Variants in USP24 observed in about 807,000 individuals in gnomAD.
USP24 encodes ubiquitin carboxyl-terminal hydrolase 24.
In USP24, 97 loss-of-function variants were observed where a neutral mutation model predicts 361.6. The observed-to-expected ratio is 0.27, with a 90% CI of 0.23 to 0.32. The LOEUF (loss-of-function observed/expected upper bound fraction) is 0.32, where lower values mean the gene tolerates loss of function less well. Ranked by LOEUF, USP24 falls within the 10% of genes least tolerant of loss-of-function variation. USP24 has a pLI of 1.00. For missense variants in USP24, 2,353 were observed against 3,165.6 expected (o/e 0.74, Z 6.16); for synonymous variants, 1,098 against 1,124.6 (o/e 0.98, Z 0.47).
chr1:55,205,088 C>T (rs1168789408), intron 1 of USP24, among the ~76,000 whole-genome samples: 1 of 152,148 alleles, frequency 6.6e-6, no homozygotes, highest in Non-Finnish European at 1.5e-5. Flanking sequence ...ATGAGTAATA[C>T]TGCTACAGGT....
At chr1:55,165,837 C>T in intron 7 of USP24, 48 bp downstream of exon 7, 1 of 1,498,334 alleles carries the variant, frequency 6.7e-7, no homozygotes, top group South Asian at 1.3e-5. Context: ...TACACCAACT[C>T]AAGTGAAATG....
chr1:55,141,498 G>T, intron 24 of USP24, 118 bp downstream of exon 24: 1 of 915,600 alleles, frequency 1.1e-6, no homozygotes, highest in Non-Finnish European at 1.7e-6. Context: ...ATGACAGCTT[G>T]CAAAAATTAT....
At chr1:55,179,558 C>G (rs376977338) in intron 1 of USP24, among the ~76,000 whole-genome samples, 1 of 152,210 alleles carries the variant, frequency 6.6e-6, no homozygotes. Context: ...ATCCTTCCCC[C>G]GTAAATCCTG....
In USP24 at chr1:55,176,417, T is replaced by G. The variant is rs758064561; in HGVS notation, c.517A>C (p.Arg173=). The G allele has an allele frequency of 1.9e-6, 3 of 1,572,562 alleles. No individual in the cohort carries two copies. The part of the protein sequence containing the change: ...LGLSESDENC[R]RFMDRCMPEA... ...GGCATACACCTGTCCATAAACCTTCTACAATTCTCATCAGACTCGGAAAGA... is the reference window on the plus strand; with the variant it reads ...GGCATACACCTGTCCATAAACCTTCGACAATTCTCATCAGACTCGGAAAGA... Residue 173 remains arginine (R), a synonymous_variant, in exon 3 of 68, where the codon AGA becomes CGA. Transcript: ENST00000294383.
At chr1:55,081,542 A>G in intron 58 of USP24, 118 bp from the exon 59 acceptor site, 1 of 956,580 alleles carries the variant, frequency 1.0e-6, no homozygotes, top group Non-Finnish European at 1.6e-6. Flanking sequence ...TCAGTGCTTG[A>G]CAGAAGAGGT....
intron 50 of USP24, among the ~76,000 whole-genome samples, chr1:55,095,624 G>A (rs1221580211): frequency 6.6e-6 from 1 of 152,138 alleles, no homozygotes; most frequent in Non-Finnish European, 1.5e-5. Context: ...TGATATAGGT[G>A]GGGACAAGGA....
chr1:55,089,188 G>C (rs917975281), intron 55 of USP24, among the ~76,000 whole-genome samples: 6 of 152,250 alleles, frequency 3.9e-5, no homozygotes, highest in Admixed American at 2.0e-4. Flanking sequence ...TTACAGGTGC[G>C]AGCCACTGCA....
intron 39 of USP24, 110 bp downstream of exon 39, chr1:55,110,075 G>T (rs1021853975): frequency 3.4e-6 from 3 of 881,074 alleles, no homozygotes; most frequent in African/African-American, 3.5e-5. Flanking sequence ...TCAAACAATT[G>T]TAATTGTATT....
chr1:55,147,611 T>C (rs762172807), intron 18 of USP24, 38 bp downstream of exon 18: 10 of 1,543,274 alleles, frequency 6.5e-6, no homozygotes, highest in Non-Finnish European at 8.7e-6. Context: ...GTCAAATTAA[T>C]GTTGTAAATC....
intron 1 of USP24, among the ~76,000 whole-genome samples, chr1:55,199,158 G>A (rs146553193): frequency 7.2e-5 from 11 of 152,078 alleles, no homozygotes; most frequent in East Asian, 1.9e-4. Context: ...GCATGGTGGC[G>A]GGCACCTGTA....
chr1:55,141,740 T>C lies in USP24; in HGVS notation c.2635-9A>G, dbSNP rs1335587906. 8.8e-6 allele frequency: 14 copies of C among 1,590,924 alleles called. No homozygotes were observed. The East Asian group carries it at 3.2e-4, about 36-fold the overall frequency. On this transcript the variant is annotated splice_polypyrimidine_tract_variant and intron_variant, in intron 23 of 67. Coordinates refer to ENST00000294383, the MANE Select transcript of USP24 (RefSeq NM_015306.3). ...AGTGCTGAACTGGCTGCCTAAAAAA[T>C]ACCAAACAGTCATTCTCTATCAGGG...
intron 3 of USP24, among the ~76,000 whole-genome samples, chr1:55,174,829 C>T (rs1015080350): frequency 2.6e-5 from 4 of 152,234 alleles, no homozygotes; most frequent in Non-Finnish European, 4.4e-5. Flanking sequence ...AGGGGTCTCA[C>T]ATGTTGCCCA....
chr1:55,119,388 T>C (rs969987484), intron 38 of USP24, among the ~76,000 whole-genome samples: 1 of 151,894 alleles, frequency 6.6e-6, no homozygotes, highest in East Asian at 1.9e-4. Context: ...AGACAGAAAG[T>C]AGAATGGTGG....
At chr1:55,109,178 T>C (rs1230071813) in intron 39 of USP24, among the ~76,000 whole-genome samples, 1 of 152,164 alleles carries the variant, frequency 6.6e-6, no homozygotes, top group Non-Finnish European at 1.5e-5. Context: ...GGTTTCACCA[T>C]GTCGGCCAGG....
intron 67 of USP24, among the ~76,000 whole-genome samples, chr1:55,069,374 C>T (rs908112134): frequency 6.6e-6 from 1 of 152,258 alleles, no homozygotes; most frequent in African/African-American, 2.4e-5. Flanking sequence ...CATGTGAGAA[C>T]GCAGAGCAGT....
At chr1:55,081,557 G>A in intron 58 of USP24, 133 bp from the exon 59 acceptor site, 2 of 839,032 alleles carry the variant, frequency 2.4e-6, no homozygotes, top group Admixed American at 2.3e-5. Flanking sequence ...AGAGGTCAAG[G>A]TACAAAAAAA....
intron 25 of USP24, 66 bp from the exon 26 acceptor site, chr1:55,138,784 CT>C: frequency 1.5e-6 from 2 of 1,306,866 alleles, no homozygotes; most frequent in Non-Finnish European, 2.2e-6. Flanking sequence ...AAATACATAT[CT>C]ATGTATATAT....
At chr1:55,077,188 A>C (rs1645046624) in intron 62 of USP24, 47 bp downstream of exon 62, 2 of 1,397,668 alleles carry the variant, frequency 1.4e-6, no homozygotes, top group Admixed American at 2.5e-5. Flanking sequence ...ACACTTGTTG[A>C]CTAATACATT....
chr1:55,071,965 A>G (rs1161900789), intron 66 of USP24, 41 bp from the exon 67 acceptor site: 4 of 1,542,672 alleles, frequency 2.6e-6, no homozygotes, highest in Admixed American at 1.9e-5. Context: ...GTTAGGGCCC[A>G]TTCAGTGGCA....
Sources: allele counts gnomAD v4.1 joint callset (sites outside exome capture counted in the v4.1 genomes callset), GRCh38; gene constraint gnomAD v4.1.1; transcripts MANE v1.5; gene names NCBI Gene and HGNC (gene_info 2026-07-23, HGNC 2026-07-21).